Variants in C12orf76 observed in about 807,000 individuals in gnomAD.
C12orf76 encodes uncharacterized protein C12orf76.
In C12orf76, 6 loss-of-function variants were observed where a neutral mutation model predicts 6.8. The ratio of observed to expected loss-of-function variants is 0.88; its 90% CI spans 0.48 to 1.73. C12orf76 has a LOEUF of 1.73. Ranked by LOEUF, C12orf76 falls within the 40% of genes most tolerant of loss-of-function variation. C12orf76 has a pLI of 0.01. For synonymous variants in C12orf76, 56 were observed against 43.7 expected, an observed-to-expected ratio of 1.28 and a Z score of -1.11; for missense variants, 99 against 98.2, an observed-to-expected ratio of 1.01 and a Z score of -0.03.
chr12:110,060,174 C>T (rs938386783), intron 2 of C12orf76, among the ~76,000 whole-genome samples: 3 of 151,974 alleles, frequency 2.0e-5, no homozygotes, highest in African/African-American at 4.8e-5. Flanking sequence ...TGCGGTGAGC[C>T]GAGATCACCC....
chr12:110,066,147 G>A (rs530313177), intron 1 of C12orf76: 36 of 1,314,790 alleles, frequency 2.7e-5, no homozygotes, highest in Admixed American at 3.2e-5. Context: ...CGAGGCAGGC[G>A]GATCACTTGA....
chr12:110,068,232 GAGAAGAAGAAGAAGAAAGA>G (rs1180498786), upstream of C12orf76, among the ~76,000 whole-genome samples: 6 of 138,190 alleles, frequency 4.3e-5, no homozygotes, highest in African/African-American at 1.7e-4. Context: ...AGAAGGAGAA[GAGAAGAAGAAGAAGAAAGA>G]AGAAGAAGAA....
chr12:110,061,148 A>T (rs370286466), intron 2 of C12orf76, among the ~76,000 whole-genome samples: 1 of 151,426 alleles, frequency 6.6e-6, no homozygotes, highest in South Asian at 2.1e-4. Context: ...CCACCTATTC[A>T]ACATCTACAT....
intron 3 of C12orf76, among the ~76,000 whole-genome samples, chr12:110,057,580 T>C (rs1892691015): frequency 6.6e-6 from 1 of 152,094 alleles, no homozygotes; most frequent in Non-Finnish European, 1.5e-5. Flanking sequence ...AGAGATGCTC[T>C]GAGAAGAAAA....
At chr12:110,064,883 G>A (rs1487459542) in intron 2 of C12orf76, among the ~76,000 whole-genome samples, 1 of 152,190 alleles carries the variant, frequency 6.6e-6, no homozygotes, top group Non-Finnish European at 1.5e-5. Flanking sequence ...TGGCCTGTGG[G>A]TGCAGGAGAG....
upstream of C12orf76, chr12:110,067,773 AG>A (rs1264210649): frequency 2.6e-5 from 4 of 153,892 alleles, no homozygotes; most frequent in African/African-American, 9.6e-5. Flanking sequence ...TGATTGGTTC[AG>A]GGATGGATAT....
exon 3 of C12orf76, chr12:110,059,049 A>T: frequency 1.3e-6 from 2 of 1,551,752 alleles, no homozygotes; most frequent in South Asian, 1.2e-5. Flanking sequence ...CCAAGGTCAC[A>T]TGGTAAACAG....
intron 2 of C12orf76, among the ~76,000 whole-genome samples, chr12:110,065,416 C>T (rs1892842676): frequency 6.6e-6 from 1 of 151,986 alleles, no homozygotes; most frequent in Non-Finnish European, 1.5e-5. Context: ...GGTGATCTGC[C>T]CGCCTTGGCC....
chr12:110,068,096 C>T (rs945870440), upstream of C12orf76, among the ~76,000 whole-genome samples: 1 of 151,732 alleles, frequency 6.6e-6, no homozygotes, highest in African/African-American at 2.4e-5. Context: ...GCCAGCTACT[C>T]AGGAGGCTGA....
upstream of C12orf76, among the ~76,000 whole-genome samples, chr12:110,051,976 TCCG>T (rs1382074533): frequency 2.9e-5 from 4 of 136,494 alleles, no homozygotes; most frequent in African/African-American, 1.1e-4. Flanking sequence ...CAGTGCAAGC[TCCG>T]CCTCCTAGGT....
chr12:110,048,354 G>A lies in C12orf76; in HGVS notation c.133+9C>T, dbSNP rs755705522. On this transcript the variant is annotated intron_variant, in intron 1 of 1. Transcript: ENST00000615315. ...CTACCCGCCGCCCGCCAGCCCGAGG[G>A]CCGCTCACCCAGGTTCTGCCCTCGC... 6 of 1,497,082 alleles carry A rather than the reference G, an allele frequency of 4.0e-6. No individual in the cohort carries two copies. Among genetic ancestry groups the A allele is most frequent in the South Asian group, 1.2e-5 (1 of 81,160 alleles). 92.7% of individuals were successfully genotyped at this position (1,497,082 alleles called of 1,614,324 possible).
intron 1 of C12orf76, chr12:110,066,146 C>G: frequency 7.6e-7 from 1 of 1,316,902 alleles, no homozygotes; most frequent in South Asian, 1.5e-5. Context: ...CCGAGGCAGG[C>G]GGATCACTTG....
rs896591825 is a variant in C12orf76, at chr12:110,066,115, G to A, written n.207-82C>T. The A allele has an allele frequency of 1.1e-5, 16 of 1,393,836 alleles. No individual in the cohort carries two copies. The Admixed American group carries it at 1.4e-4, about 13-fold the overall frequency. The allele number at this position is 1,393,836 out of a possible 1,614,324, so 86.3% of individuals were successfully genotyped here. On this transcript the variant is annotated intron_variant and non_coding_transcript_variant, in intron 1 of 4. Coordinates refer to the C12orf76 transcript ENST00000309050. ...AGATGGTCAGGGGCAGGCCGGGCGC[G>A]GTAGCTCACAATTTGGGAGGCCGAG...
intron 1 of C12orf76, chr12:110,044,050 G>C (rs1013496840): frequency 2.0e-5 from 3 of 148,460 alleles, no homozygotes; most frequent in Non-Finnish European, 4.4e-5. Flanking sequence ...AAAAAAACTA[G>C]CGTAACCAGC....
rs377376589 is a variant in C12orf76 at position 110,057,538 on chromosome 12, A to G, written n.557-242T>C. ...AAGTCCATCCCTGGTCCTCTAGGCC[A>G]TGGTGGGGGCTCAGCAAGGGTTGAG... On this transcript the variant is annotated intron_variant and non_coding_transcript_variant, in intron 3 of 4. Coordinates refer to the C12orf76 transcript ENST00000309050. Among the ~76,000 whole-genome samples the G allele has an allele frequency of 2.2e-3, 333 of 152,270 alleles. 3 individuals carry two copies. Among genetic ancestry groups the G allele is most frequent in the African/African-American group, 7.7e-3 (320 of 41,562 alleles).
In C12orf76 at chr12:110,042,118, A is replaced by C; in HGVS notation, c.*256T>G. ...ACTCCATCTTTACACTGACCTTTGG[A>C]GCTTTCAGGTCTTACTTTTAACAAG... On this transcript the variant is annotated 3_prime_UTR_variant, in exon 2 of 2. Coordinates refer to ENST00000615315, the MANE Select transcript of C12orf76 (RefSeq NM_001389625.1). 1 of 538,006 alleles carries C rather than the reference A, an allele frequency of 1.9e-6. No individual in the cohort carries two copies. Among genetic ancestry groups the C allele is most frequent in the Non-Finnish European group, 3.4e-6 (1 of 298,162 alleles). The allele number at this position is 538,006 out of a possible 1,614,324, so 33.3% of individuals were successfully genotyped here.
upstream of C12orf76, among the ~76,000 whole-genome samples, chr12:110,068,265 G>GAAGAAGAA (rs1566080081): frequency 8.9e-6 from 1 of 112,842 alleles, no homozygotes; most frequent in African/African-American, 3.2e-5. Flanking sequence ...AGAAGAAGAA[G>GAAGAAGAA]AAGAAGAAGA....
chr12:110,056,415 G>A (rs1341538358), intron 4 of C12orf76, among the ~76,000 whole-genome samples: 2 of 152,028 alleles, frequency 1.3e-5, no homozygotes, highest in African/African-American at 4.8e-5. Flanking sequence ...AGCTAACAGG[G>A]GTGTGAAGAA....
At chr12:110,068,313 G>GAAA (rs1892913377), upstream of C12orf76, among the ~76,000 whole-genome samples, 1 of 145,760 alleles carries the variant, frequency 6.9e-6, no homozygotes, top group African/African-American at 2.5e-5. Flanking sequence ...AGAAGAAGAA[G>GAAA]AAGAAGAAGA....
Sources: allele counts gnomAD v4.1 joint callset (sites outside exome capture counted in the v4.1 genomes callset), GRCh38; gene constraint gnomAD v4.1.1; transcripts MANE v1.5; gene names NCBI Gene and HGNC (gene_info 2026-07-23, HGNC 2026-07-21).